AASS: variants seen among roughly 807,000 people sequenced by gnomAD.
AASS encodes alpha-aminoadipic semialdehyde synthase, mitochondrial.
Under a neutral mutation model 105.4 loss-of-function variants are expected in AASS, and 86 were observed. The ratio of observed to expected loss-of-function variants is 0.82; its 90% CI spans 0.69 to 0.98. AASS has a LOEUF of 0.98. Ranked by LOEUF, AASS falls within the 50% of genes least tolerant of loss-of-function variation. The pLI, the probability that AASS is intolerant of heterozygous loss-of-function variation, is 0.00. For synonymous variants in AASS, 381 were observed against 394.8 expected (o/e 0.96, Z 0.41); for missense variants, 1,048 against 1,143.2 (o/e 0.92, Z 1.20).
Position 122,140,491 on chromosome 7 carries a change from A to AAAAAAAAAAAAAAAAAAG in AASS, c.-16+3652_-16+3669dup, listed in dbSNP as rs1796340689. Among the ~76,000 whole-genome samples the AAAAAAAAAAAAAAAAAAG allele has an allele frequency of 1.4e-5, 2 of 147,502 alleles. 1 individual carries two copies. Among genetic ancestry groups the AAAAAAAAAAAAAAAAAAG allele is most frequent in the Non-Finnish European group, 3.0e-5 (2 of 66,732 alleles). ...ACAGAGCGAGACTCAGTCTCAAAAA[A>AAAAAAAAAAAAAAAAAAG]AAAAAAAAAAAAAAAAAGAATGAAC... On this transcript the variant is annotated intron_variant, in intron 1 of 23. Transcript: ENST00000417368.
rs587777126 is a variant in AASS at position 122,113,140 on chromosome 7, A to C, written c.1256T>G (p.Leu419Arg). The change falls in exon 11 of 24, where the codon CTT becomes CGT. Residue 419 changes from leucine (L) to arginine (R), a missense_variant. Leu to Arg is a moderately radical substitution (Grantham distance 102). Coordinates refer to ENST00000417368, the MANE Select transcript of AASS (RefSeq NM_005763.4). ...IEATECFGDM[L>R]YPYVEEMILS... is the part of the protein sequence containing the mutation. ...TACCATTTCTTCAACATAAGGGTAA[A>C]GCATGTCTCCAAAGCATTCTGTAGC... 2 of 1,614,000 alleles carry C rather than the reference A, an allele frequency of 1.2e-6. No individual in the cohort carries two copies. Among genetic ancestry groups the C allele is most frequent in the Middle Eastern group, 1.6e-4 (1 of 6,062 alleles).
intron 19 of AASS, among the ~76,000 whole-genome samples, chr7:122,083,603 ACC>A (rs1793482283): frequency 6.6e-6 from 1 of 152,088 alleles, no homozygotes; most frequent in Admixed American, 6.6e-5. Context: ...AAAATGCATC[ACC>A]ACTGATGACT....
At chr7:122,131,884 G>A (rs1795932457) in intron 2 of AASS, among the ~76,000 whole-genome samples, 1 of 152,044 alleles carries the variant, frequency 6.6e-6, no homozygotes, top group African/African-American at 2.4e-5. Context: ...CACATCCAAA[G>A]GACAGAGAAG....
rs56032125 is a variant in AASS, at chr7:122,090,542, C to T, written c.2016+1161G>A. The stretch of plus-strand genomic sequence containing the variant: ...TACTCCTGAAATACATTTCGATTCA[C>T]AAATACCTTGACAATGTAAAATATT... On this transcript the variant is annotated intron_variant, in intron 18 of 23. Coordinates refer to ENST00000417368, the MANE Select transcript of AASS (RefSeq NM_005763.4). Among the ~76,000 whole-genome samples, 682 of 152,242 alleles carry T rather than the reference C, an allele frequency of 4.5e-3. 3 individuals are homozygous for T. The highest frequency in any genetic ancestry group is 7.8e-3 in the Non-Finnish European group (533 of 68,010).
intron 11 of AASS, among the ~76,000 whole-genome samples, chr7:122,109,753 T>A (rs1794842370): frequency 6.7e-6 from 1 of 149,392 alleles, no homozygotes; most frequent in African/African-American, 2.4e-5. Context: ...TGGTTAAGAA[T>A]TTTTTGGATA....
In AASS at chr7:122,073,673, A is replaced by T. The variant is rs1458605721; in HGVS notation, c.*2816T>A. On this transcript the variant is annotated 3_prime_UTR_variant, in exon 24 of 24. Transcript: ENST00000417368. The stretch of plus-strand genomic sequence containing the variant: ...AGTTGTGCCACCATTACCACAATCA[A>T]CTTTACAACGTTTACATCACCCCAA... 6.6e-6 allele frequency among the ~76,000 whole-genome samples: 1 copy of T among 152,166 alleles called. No individual in the cohort carries two copies.
chr7:122,107,302 G>A (rs1313092272), intron 11 of AASS, among the ~76,000 whole-genome samples: 1 of 152,144 alleles, frequency 6.6e-6, no homozygotes, highest in Non-Finnish European at 1.5e-5. Context: ...GTAAAAATCA[G>A]TTCAACCATT....
At chr7:122,120,751 A>G (rs1795402640) in intron 4 of AASS, among the ~76,000 whole-genome samples, 1 of 152,026 alleles carries the variant, frequency 6.6e-6, no homozygotes, top group African/African-American at 2.4e-5. Flanking sequence ...GCTATACTTT[A>G]AATTTTTATT....
At chr7:122,125,763 C>T (rs1795629486) in intron 4 of AASS, among the ~76,000 whole-genome samples, 1 of 146,526 alleles carries the variant, frequency 6.8e-6, no homozygotes, top group Non-Finnish European at 1.5e-5. Context: ...AAGCACAGGT[C>T]TGAATAAATT....
At chr7:122,132,234 C>CAGTT (rs1444964314) in intron 2 of AASS, among the ~76,000 whole-genome samples, 1 of 152,132 alleles carries the variant, frequency 6.6e-6, no homozygotes, top group African/African-American at 2.4e-5. Context: ...ACAGAATTCA[C>CAGTT]AGTTTGGTAA....
chr7:122,110,913 T>A (rs1794902247), intron 11 of AASS, among the ~76,000 whole-genome samples: 1 of 152,094 alleles, frequency 6.6e-6, no homozygotes, highest in Non-Finnish European at 1.5e-5. Flanking sequence ...CCTAAGACTG[T>A]GAAGTTAGTT....
At chr7:122,092,708 G>A in intron 17 of AASS, 135 bp downstream of exon 17, 1 of 754,648 alleles carries the variant, frequency 1.3e-6, no homozygotes, top group Non-Finnish European at 2.3e-6. Flanking sequence ...TGGGCAACAA[G>A]AGCAAAACTC....
chr7:122,142,081 A>G (rs1487728182), intron 1 of AASS, among the ~76,000 whole-genome samples: 3 of 152,166 alleles, frequency 2.0e-5, no homozygotes, highest in South Asian at 2.1e-4. Flanking sequence ...GCAACAGAAG[A>G]TGGATACCTC....
At chr7:122,109,253 C>A (rs1313219942) in intron 11 of AASS, among the ~76,000 whole-genome samples, 462 of 111,636 alleles carry the variant, frequency 4.1e-3, no homozygotes, top group Non-Finnish European at 4.4e-3. Context: ...CAATCCTTAC[C>A]AAAAAAAAAA....
intron 11 of AASS, among the ~76,000 whole-genome samples, chr7:122,104,777 G>T (rs1020862537): frequency 3.3e-5 from 5 of 152,102 alleles, no homozygotes; most frequent in African/African-American, 7.2e-5. Context: ...GTATACTTGA[G>T]GGTGGAGGAT....
At chr7:122,105,414 C>A (rs1794624261) in intron 11 of AASS, among the ~76,000 whole-genome samples, 1 of 152,060 alleles carries the variant, frequency 6.6e-6, no homozygotes, top group African/African-American at 2.4e-5. Flanking sequence ...TATCCAGTAG[C>A]ACCAGTGTAC....
intron 13 of AASS, 130 bp downstream of exon 13, chr7:122,101,241 T>C (rs1368576094): frequency 2.6e-6 from 2 of 781,564 alleles, no homozygotes; most frequent in Non-Finnish European, 4.2e-6. Flanking sequence ...TCCTACATTT[T>C]CAAACATTAT....
chr7:122,133,407 G>A, intron 2 of AASS, 110 bp downstream of exon 2: 2 of 1,201,872 alleles, frequency 1.7e-6, no homozygotes, highest in Non-Finnish European at 2.4e-6. Flanking sequence ...TTTAATCAAA[G>A]TAAAGAAATC....
intron 2 of AASS, among the ~76,000 whole-genome samples, chr7:122,129,844 T>C (rs952436005): frequency 2.0e-5 from 3 of 152,178 alleles, no homozygotes; most frequent in African/African-American, 7.2e-5. Context: ...TTGTGAAATG[T>C]ATATTTTGTA....
Sources: allele counts gnomAD v4.1 joint callset (sites outside exome capture counted in the v4.1 genomes callset), GRCh38; gene constraint gnomAD v4.1.1; transcripts MANE v1.5; gene names NCBI Gene and HGNC (gene_info 2026-07-23, HGNC 2026-07-21).